Variants in ACTR10 observed in about 807,000 individuals in gnomAD.
ACTR10 encodes actin related protein 10.
A neutral mutation model predicts 56.2 loss-of-function variants in ACTR10; 43 were observed. The ratio of observed to expected loss-of-function variants is 0.77; its 90% CI spans 0.60 to 0.99. ACTR10 has a LOEUF of 0.99. ACTR10 is among the 50% of genes least tolerant of loss of function. The pLI, the probability that ACTR10 is intolerant of heterozygous loss-of-function variation, is 0.00. For synonymous variants in ACTR10, 170 were observed against 176.3 expected (o/e 0.96, Z 0.28); for missense variants, 466 against 507.8 (o/e 0.92, Z 0.79).
At chr14:58,221,294 A>AT (rs1889261603) in intron 8 of ACTR10, among the ~76,000 whole-genome samples, 6 of 148,198 alleles carry the variant, frequency 4.0e-5, no homozygotes, top group African/African-American at 5.0e-5. Flanking sequence ...AAAAAAAAAA[A>AT]AAAAAAAAAT....
intron 12 of ACTR10, 48 bp downstream of exon 12, chr14:58,232,315 CTGAA>C (rs1209149782): frequency 7.1e-6 from 10 of 1,411,732 alleles, no homozygotes; most frequent in East Asian, 2.4e-5. Context: ...TATTTGGTCT[CTGAA>C]TGACACTATT....
At chr14:58,228,259 C>G (rs1053247777) in intron 10 of ACTR10, among the ~76,000 whole-genome samples, 1 of 152,088 alleles carries the variant, frequency 6.6e-6, no homozygotes, top group African/African-American at 2.4e-5. Flanking sequence ...TTGTAGCTAC[C>G]ACGTTTTTGT....
rs182496753 is a variant in ACTR10, at chr14:58,213,563, G to A, written c.451-68G>A. 17 of 1,063,948 alleles carry A rather than the reference G, an allele frequency of 1.6e-5. No homozygotes were observed. In the African/African-American group the frequency reaches 2.4e-4, roughly 15 times the overall value. 65.9% of individuals were successfully genotyped at this position (1,063,948 alleles called of 1,614,324 possible). ...GCATATTTAGAACAGTACTGCAGAA[G>A]GTGAGGAAAATATCAAGGAAACCAC... On this transcript the variant is annotated intron_variant, in intron 5 of 12. Transcript: ENST00000254286.
Position 58,207,967 on chromosome 14 carries a change from C to G in ACTR10, c.182C>G (p.Thr61Arg), listed in dbSNP as rs1450309616. The G allele has an allele frequency of 6.6e-7, 1 of 1,507,034 alleles. No homozygotes were observed. The highest frequency in any genetic ancestry group is 8.8e-7 in the Non-Finnish European group (1 of 1,135,282). The allele number at this position is 1,507,034 out of a possible 1,614,324, so 93.4% of individuals were successfully genotyped here. ...PVRVVQYNIN[T>R]EELYSYLKEF... ...AGAGTTGTTCAGTATAATATCAATA[C>G]AGAAGAATTATATTCCTACCTAAAG... Residue 61 changes from threonine (T) to arginine (R), a missense_variant, in exon 3 of 13, where the codon ACA (threonine) becomes AGA (arginine). Transcript: ENST00000254286.
chr14:58,207,064 C>T (rs1888883358), intron 2 of ACTR10: 1 of 145,252 alleles, frequency 6.9e-6, no homozygotes, highest in African/African-American at 2.6e-5. Flanking sequence ...CACTCTGTCA[C>T]CCAGGCTGGA....
At position 58,211,367 on chromosome 14, in the gene ACTR10, G is replaced by C; in HGVS notation, c.418G>C (p.Asp140His). 3.7e-6 allele frequency: 6 copies of C among 1,613,748 alleles called. No homozygotes were observed. The highest frequency in any genetic ancestry group is 5.1e-6 in the Non-Finnish European group (6 of 1,179,780). The change falls in exon 5 of 13, where the codon GAT (aspartate) becomes CAT (histidine). Residue 140 changes from aspartate to histidine, a missense_variant. Asp to His is a moderately conservative substitution (Grantham distance 81, BLOSUM62 -1). Coordinates refer to ENST00000254286, the MANE Select transcript of ACTR10 (RefSeq NM_018477.3). ...TLGINSAMVL[D>H]CGYRESLVLP... Reference sequence around the variant, plus strand: ...TGGAATTAATTCTGCCATGGTCCTAGATTGTGGATATAGGGAAAGCCTGGT... The same window carrying C: ...TGGAATTAATTCTGCCATGGTCCTACATTGTGGATATAGGGAAAGCCTGGT...
intron 6 of ACTR10, 99 bp downstream of exon 6, chr14:58,213,797 G>C: frequency 1.2e-6 from 1 of 816,380 alleles, no homozygotes; most frequent in Non-Finnish European, 1.9e-6. Context: ...CTTGTGATAC[G>C]GACAGTGAAT....
intron 5 of ACTR10, among the ~76,000 whole-genome samples, chr14:58,211,734 A>T (rs1310301595): frequency 1.3e-5 from 2 of 152,150 alleles, no homozygotes; most frequent in African/African-American, 4.8e-5. Flanking sequence ...AACTGAAATG[A>T]GTATGTTCGA....
At position 58,200,278 on chromosome 14, in the gene ACTR10, G is replaced by GGA. The variant is rs1264980675; in HGVS notation, c.65_66dup (p.Ala23ArgfsTer17). On this transcript the variant is annotated frameshift_variant, in exon 1 of 13. Coordinates refer to ENST00000254286, the MANE Select transcript of ACTR10 (RefSeq NM_018477.3). LOFTEE classifies it high-confidence loss of function. ...GAAGACGGCGGTCGTGATCGACCTG[G>GGA]GAGAGGCCTTTACCAAGTGAGTGGC... The GGA allele has an allele frequency of 3.8e-5, 58 of 1,511,300 alleles. No individual in the cohort carries two copies. Among genetic ancestry groups the GGA allele is most frequent in the Non-Finnish European group, 5.0e-5 (57 of 1,135,730 alleles). 93.6% of individuals were successfully genotyped at this position (1,511,300 alleles called of 1,614,324 possible).
At position 58,217,842 on chromosome 14, in the gene ACTR10, G is replaced by A. The variant is rs891273958; in HGVS notation, c.599-1852G>A. ...TTTAAAAAAGAATGAATATATCATA[G>A]TAACTCAAAAAGGCTAACCTAAGTA... is the stretch of plus-strand genomic sequence containing the variant. On this transcript the variant is annotated intron_variant, in intron 7 of 12. Coordinates refer to ENST00000254286, the MANE Select transcript of ACTR10 (RefSeq NM_018477.3). 2.2e-4 allele frequency among the ~76,000 whole-genome samples: 33 copies of A among 152,236 alleles called. 1 individual carries two copies. The highest frequency in any genetic ancestry group is 6.5e-5 in the Admixed American group (1 of 15,288).
At chr14:58,228,889 G>C (rs1776964950) in intron 10 of ACTR10, among the ~76,000 whole-genome samples, 1 of 151,312 alleles carries the variant, frequency 6.6e-6, no homozygotes, top group South Asian at 2.1e-4. Flanking sequence ...TGGGGTGGAG[G>C]CACAATATAT....
Position 58,209,118 on chromosome 14 carries a change from T to C in ACTR10, c.342+11T>C, listed in dbSNP as rs758308190. 1.3e-6 allele frequency: 2 copies of C among 1,484,618 alleles called. No homozygotes were observed. Among genetic ancestry groups the C allele is most frequent in the African/African-American group, 2.8e-5 (2 of 70,832 alleles). 92.0% of individuals were successfully genotyped at this position (1,484,618 alleles called of 1,614,324 possible). A position where few individuals can be genotyped will look rare whatever the true frequency, so the allele number is the denominator to read the frequency against. On this transcript the variant is annotated intron_variant, in intron 4 of 12. Transcript: ENST00000254286. ...TTCAAATATTTTGAGGTACCTGTCT[T>C]TATATCAAATAAGTAAATTGCTTTT...
At chr14:58,200,352 C>A in intron 1 of ACTR10, 58 bp downstream of exon 1, 1 of 1,373,324 alleles carries the variant, frequency 7.3e-7, no homozygotes, top group Non-Finnish European at 9.6e-7. Context: ...TGGCAGAGCC[C>A]CAGGCACTGC....
chr14:58,217,014 T>C (rs935835895), intron 7 of ACTR10, among the ~76,000 whole-genome samples: 4 of 152,176 alleles, frequency 2.6e-5, no homozygotes, highest in African/African-American at 9.7e-5. Context: ...TGTTCCCTAT[T>C]GATAGTTAAG....
chr14:58,209,719 G>A (rs553130334), intron 4 of ACTR10, among the ~76,000 whole-genome samples: 5 of 152,140 alleles, frequency 3.3e-5, no homozygotes, highest in Non-Finnish European at 7.4e-5. Context: ...TTTAAGATTA[G>A]TATATTTCAT....
chr14:58,212,061 A>G (rs750967936), intron 5 of ACTR10, among the ~76,000 whole-genome samples: 4 of 152,192 alleles, frequency 2.6e-5, no homozygotes, highest in African/African-American at 7.2e-5. Context: ...CAAATACACA[A>G]TAAGTGCAAT....
chr14:58,207,969 G>T lies in ACTR10; in HGVS notation c.184G>T (p.Glu62Ter), dbSNP rs763179506. The T allele has an allele frequency of 1.3e-6, 2 of 1,507,294 alleles. No homozygotes were observed. The highest frequency in any genetic ancestry group is 1.8e-6 in the Non-Finnish European group (2 of 1,135,612). The allele number at this position is 1,507,294 out of a possible 1,614,324, so 93.4% of individuals were successfully genotyped here. ...AGTTGTTCAGTATAATATCAATACAGAAGAATTATATTCCTACCTAAAGGA... is the reference window on the plus strand; with the variant it reads ...AGTTGTTCAGTATAATATCAATACATAAGAATTATATTCCTACCTAAAGGA... Reference protein sequence around the residue: ...VRVVQYNINTEELYSYLKEFI... With the variant: ...VRVVQYNINT Residue 62 changes from glutamate to a stop codon, truncating the protein, a stop_gained, in exon 3 of 13, where the codon GAA becomes TAA. Coordinates refer to ENST00000254286, the MANE Select transcript of ACTR10 (RefSeq NM_018477.3). LOFTEE classifies it high-confidence loss of function.
At chr14:58,230,620 TATTA>T in intron 11 of ACTR10, 140 bp downstream of exon 11, 1 of 419,108 alleles carries the variant, frequency 2.4e-6, no homozygotes. Flanking sequence ...TATTAAATTT[TATTA>T]ATTTTTACAG....
chr14:58,213,836 G>A (rs966256069), intron 6 of ACTR10, 138 bp downstream of exon 6: 3 of 593,190 alleles, frequency 5.1e-6, no homozygotes, highest in Middle Eastern at 2.8e-4. Context: ...TATTAGCTTC[G>A]AGTATATTCA....
Sources: gnomAD v4.1 joint callset for allele counts (sites outside exome capture counted in the v4.1 genomes callset) on GRCh38, gnomAD v4.1.1 for gene constraint, MANE v1.5 for transcripts, NCBI Gene and HGNC (gene_info 2026-07-23, HGNC 2026-07-21) for gene names.